Variants in GABRG1 observed in about 807,000 individuals in gnomAD.
The protein encoded by GABRG1 is gamma-aminobutyric acid receptor subunit gamma-1.
In GABRG1, 49 loss-of-function variants were observed where a neutral mutation model predicts 49.8. The observed-to-expected ratio is 0.98, with a 90% CI of 0.78 to 1.25. The LOEUF (loss-of-function observed/expected upper bound fraction) is 1.25, where lower values mean the gene tolerates loss of function less well. GABRG1 is among the 50% of genes most tolerant of loss of function. GABRG1 has a pLI of 0.00. For synonymous variants in GABRG1, 232 were observed against 185.1 expected (o/e 1.25, Z -2.06); for missense variants, 552 against 552.3 (o/e 1.00, Z 0.01).
chr4:46,050,712 G>A (rs931206784), intron 8 of GABRG1, among the ~76,000 whole-genome samples: 1 of 151,684 alleles, frequency 6.6e-6, no homozygotes, highest in Admixed American at 6.6e-5. Flanking sequence ...TGGATCTTTC[G>A]CTTACTGAGG....
At chr4:46,070,246 T>G (rs776346000) in intron 3 of GABRG1, among the ~76,000 whole-genome samples, 1 of 152,002 alleles carries the variant, frequency 6.6e-6, no homozygotes, top group Non-Finnish European at 1.5e-5. Context: ...CATGTGTTAA[T>G]TTTCTGCATC....
intron 3 of GABRG1, among the ~76,000 whole-genome samples, chr4:46,079,206 C>T (rs570908620): frequency 6.6e-6 from 1 of 151,940 alleles, no homozygotes; most frequent in South Asian, 2.1e-4. Flanking sequence ...CTAAGTTAGC[C>T]TGATCCTCTT....
At chr4:46,104,926 C>A (rs1473367605) in intron 1 of GABRG1, among the ~76,000 whole-genome samples, 2 of 151,488 alleles carry the variant, frequency 1.3e-5, no homozygotes, top group South Asian at 4.2e-4. Context: ...GTTTCCTCAT[C>A]AAACTTTTAA....
intron 1 of GABRG1, among the ~76,000 whole-genome samples, chr4:46,123,482 T>C (rs972519641): frequency 6.6e-6 from 1 of 152,086 alleles, no homozygotes; most frequent in African/African-American, 2.4e-5. Context: ...TTCGGTGGCA[T>C]TCATTCAGTA....
intron 5 of GABRG1, among the ~76,000 whole-genome samples, chr4:46,059,150 AT>A (rs1285796987): frequency 6.6e-6 from 1 of 152,078 alleles, no homozygotes; most frequent in African/African-American, 2.4e-5. Flanking sequence ...AATTTCTTCC[AT>A]TGTAAAAACA....
intron 3 of GABRG1, among the ~76,000 whole-genome samples, chr4:46,068,265 G>A (rs915862449): frequency 6.6e-6 from 1 of 152,142 alleles, no homozygotes; most frequent in African/African-American, 2.4e-5. Context: ...TACCAGTAAG[G>A]ATTGCGGCTA....
At position 46,036,064 on chromosome 4, in the gene GABRG1, A is replaced by C. The variant is rs1717509413; in HGVS notation, c.*4924T>G. 6.6e-6 allele frequency: 1 copy of C among 151,958 alleles called. No homozygotes were observed. Among genetic ancestry groups the C allele is most frequent in the African/African-American group, 2.4e-5 (1 of 41,428 alleles). The allele number at this position is 151,958 out of a possible 1,614,324, so 9.4% of individuals were successfully genotyped here. The stretch of plus-strand genomic sequence containing the variant: ...TAAATCATGTCTCAAAAGTCTTCTA[A>C]TTAGCCCTTTTTGCTTAGCTGCATT... On this transcript the variant is annotated 3_prime_UTR_variant, in exon 9 of 9. Transcript: ENST00000295452.
intron 3 of GABRG1, among the ~76,000 whole-genome samples, chr4:46,078,118 A>T (rs1388614297): frequency 6.6e-6 from 1 of 151,788 alleles, no homozygotes; most frequent in African/African-American, 2.4e-5. Context: ...AGAAATTAAA[A>T]CCATAGTTTC....
At chr4:46,088,419 A>G (rs1215567335) in intron 2 of GABRG1, among the ~76,000 whole-genome samples, 1 of 151,978 alleles carries the variant, frequency 6.6e-6, no homozygotes, top group Non-Finnish European at 1.5e-5. Context: ...TTCCTGAAAA[A>G]CAAAACACAG....
rs576194361 is a variant in GABRG1, at chr4:46,088,765, A to C, written c.254-4712T>G. On this transcript the variant is annotated intron_variant, in intron 2 of 8. Coordinates refer to ENST00000295452, the MANE Select transcript of GABRG1 (RefSeq NM_173536.4). ...CACACACACACACACACACACACAC[A>C]CCCCATATATCTATATTTAAATGGC... Among the ~76,000 whole-genome samples the C allele has an allele frequency of 4.4e-3, 627 of 143,886 alleles. 3 individuals carry two copies. The highest frequency in any genetic ancestry group is 0.024 in the Admixed American group (338 of 14,310). 94.4% of individuals were successfully genotyped at this position (143,886 alleles called of 152,430 possible).
Position 46,091,006 on chromosome 4 carries a change from C to T in GABRG1, c.253+6195G>A, listed in dbSNP as rs892781879. Among the ~76,000 whole-genome samples, 34 of 150,196 alleles carry T rather than the reference C, an allele frequency of 2.3e-4. 1 individual carries two copies. The highest frequency in any genetic ancestry group is 1.8e-3 in the Admixed American group (27 of 14,988). The stretch of plus-strand genomic sequence containing the variant: ...CACACACACACACACGGAATTTAAT[C>T]GGACATTCTACATGGGATTTCCCCT... On this transcript the variant is annotated intron_variant, in intron 2 of 8. Transcript: ENST00000295452.
intron 8 of GABRG1, among the ~76,000 whole-genome samples, chr4:46,044,420 G>C (rs1425375556): frequency 6.6e-6 from 1 of 152,132 alleles, no homozygotes; most frequent in Admixed American, 6.6e-5. Context: ...GGTTGAGGCT[G>C]CAGTGAGCTG....
intron 5 of GABRG1, among the ~76,000 whole-genome samples, chr4:46,063,486 G>A (rs1172242638): frequency 1.3e-5 from 2 of 152,116 alleles, no homozygotes; most frequent in African/African-American, 2.4e-5. Context: ...CTAGCCATAT[G>A]TAGAAAGGTG....
rs991768132 is a variant in GABRG1 at position 46,073,388 on chromosome 4, G to A, written c.322-7804C>T. On this transcript the variant is annotated intron_variant, in intron 3 of 8. Coordinates refer to ENST00000295452, the MANE Select transcript of GABRG1 (RefSeq NM_173536.4). ...ACTCCACAATTTTAAACTCTTTACCGTAACTCAGGTCATCCATATGAGGCA... is the reference window on the plus strand; with the variant it reads ...ACTCCACAATTTTAAACTCTTTACCATAACTCAGGTCATCCATATGAGGCA... Among the ~76,000 whole-genome samples, 7 of 152,010 alleles carry A rather than the reference G, an allele frequency of 4.6e-5. 1 individual carries two copies. The highest frequency in any genetic ancestry group is 6.6e-5 in the Admixed American group (1 of 15,222).
chr4:46,101,267 T>G (rs901053840), intron 1 of GABRG1, among the ~76,000 whole-genome samples: 3 of 151,640 alleles, frequency 2.0e-5, no homozygotes, highest in Non-Finnish European at 4.4e-5. Context: ...TAATGTTGAT[T>G]TAATTTGAAG....
chr4:46,115,579 G>A (rs1234711719), intron 1 of GABRG1, among the ~76,000 whole-genome samples: 1 of 150,668 alleles, frequency 6.6e-6, no homozygotes, highest in Non-Finnish European at 1.5e-5. Flanking sequence ...ACAGACCAGA[G>A]CATGAATAAG....
At chr4:46,091,250 G>A (rs914313409) in intron 2 of GABRG1, among the ~76,000 whole-genome samples, 5 of 152,078 alleles carry the variant, frequency 3.3e-5, no homozygotes, top group Admixed American at 6.6e-5. Context: ...AGGAAATTAC[G>A]CTAGTTCTGA....
intron 5 of GABRG1, among the ~76,000 whole-genome samples, chr4:46,061,360 AT>A (rs1210850485): frequency 3.3e-5 from 5 of 152,104 alleles, no homozygotes; most frequent in African/African-American, 4.8e-5. Flanking sequence ...GCAAAAAAAA[AT>A]GTGGAAATTT....
chr4:46,117,876 A>G (rs1720967137), intron 1 of GABRG1, among the ~76,000 whole-genome samples: 1 of 45,622 alleles, frequency 2.2e-5, no homozygotes, highest in South Asian at 7.8e-4. Flanking sequence ...ACATATGTAT[A>G]CATGTGTATC....
Sources: gnomAD v4.1 joint callset for allele counts (sites outside exome capture counted in the v4.1 genomes callset) on GRCh38, gnomAD v4.1.1 for gene constraint, MANE v1.5 for transcripts, NCBI Gene and HGNC (gene_info 2026-07-23, HGNC 2026-07-21) for gene names.